The following PBRM1 variants were observed in gnomAD, a reference collection of about 807,000 sequenced individuals.
PBRM1 encodes the protein protein polybromo-1.
PBRM1 carries 27 observed loss-of-function variants against 194.5 expected under a neutral mutation model. The ratio of observed to expected loss-of-function variants is 0.14; its 90% CI spans 0.10 to 0.19. The LOEUF is 0.19. Among genes scored for constraint, PBRM1 ranks in the 10% least tolerant of loss-of-function variants. PBRM1 has a pLI of 1.00. For missense variants in PBRM1, 1,466 were observed against 2,077.2 expected (o/e 0.71, Z 5.72); for synonymous variants, 655 against 693.2 (o/e 0.94, Z 0.87).
chr3:52,604,155 A>G (rs1409836376), intron 16 of PBRM1, among the ~76,000 whole-genome samples: 2 of 152,234 alleles, frequency 1.3e-5, no homozygotes, highest in Non-Finnish European at 2.9e-5. Context: ...GTGTTACATA[A>G]TAGGCTCTAT....
At chr3:52,641,833 C>A (rs1402635013) in intron 10 of PBRM1, 121 bp downstream of exon 11, 9 of 756,962 alleles carry the variant, frequency 1.2e-5, no homozygotes, top group Non-Finnish European at 1.9e-5. Flanking sequence ...CAATCAAATG[C>A]AATAAAATAG....
intron 13 of PBRM1, 110 bp downstream of exon 14, chr3:52,627,163 T>C (rs2095473820): frequency 3.4e-6 from 2 of 590,222 alleles, no homozygotes; most frequent in Admixed American, 3.2e-5. Context: ...CACATTACCA[T>C]TTATTTAAAG....
chr3:52,593,402 A>G (rs1161757023), intron 17 of PBRM1, among the ~76,000 whole-genome samples: 1 of 152,166 alleles, frequency 6.6e-6, no homozygotes, highest in Non-Finnish European at 1.5e-5. Context: ...ATACCCAGCT[A>G]AATTTTGCAT....
At chr3:52,627,315 A>T (rs2153579199) in exon 13 of PBRM1, 2 of 1,613,598 alleles carry the variant, frequency 1.2e-6, no homozygotes, top group Non-Finnish European at 8.5e-7. Context: ...GGCTGAAGAG[A>T]TCATGCTGTC....
At chr3:52,555,657 C>T (rs2082073627) in intron 26 of PBRM1, among the ~76,000 whole-genome samples, 1 of 152,134 alleles carries the variant, frequency 6.6e-6, no homozygotes, top group Non-Finnish European at 1.5e-5. Context: ...ATGCCAAATG[C>T]CATCAGTCTC....
intron 6 of PBRM1, among the ~76,000 whole-genome samples, chr3:52,650,558 T>C (rs2096462865): frequency 1.3e-5 from 2 of 152,184 alleles, no homozygotes; most frequent in Admixed American, 6.5e-5. Context: ...CATTTCTCAA[T>C]GAAACTATGT....
chr3:52,649,039 A>T (rs2096410714), intron 6 of PBRM1, among the ~76,000 whole-genome samples: 1 of 152,326 alleles, frequency 6.6e-6, no homozygotes, highest in South Asian at 2.1e-4. Context: ...TGGTAAGTAC[A>T]TGGAAATGAA....
chr3:52,565,914 G>A (rs2085044341), intron 22 of PBRM1, among the ~76,000 whole-genome samples: 1 of 152,052 alleles, frequency 6.6e-6, no homozygotes, highest in Non-Finnish European at 1.5e-5. Context: ...GCGGGGTGTG[G>A]TTGCAGGCGC....
At chr3:52,662,484 T>C (rs1463905048) in intron 3 of PBRM1, among the ~76,000 whole-genome samples, 1 of 152,158 alleles carries the variant, frequency 6.6e-6, no homozygotes, top group Non-Finnish European at 1.5e-5. Flanking sequence ...ATTTAGGTCT[T>C]ATCTCATTAA....
intron 26 of PBRM1, 99 bp downstream of exon 28, chr3:52,558,150 G>A (rs1320857129): frequency 6.1e-6 from 5 of 824,642 alleles, no homozygotes; most frequent in Non-Finnish European, 7.4e-6. Flanking sequence ...AATCTGTCAT[G>A]AGAAAAGGCA....
At chr3:52,562,087 C>T (rs577124782) in intron 24 of PBRM1, 119 bp from the exon 27 acceptor site, 11 of 721,296 alleles carry the variant, frequency 1.5e-5, no homozygotes, top group Admixed American at 1.0e-4. Flanking sequence ...TTTGGGGGGC[C>T]GAGACAGGTG....
At chr3:52,562,245 TGAAC>T (rs2083759618) in intron 24 of PBRM1, among the ~76,000 whole-genome samples, 3 of 150,730 alleles carry the variant, frequency 2.0e-5, no homozygotes, top group Non-Finnish European at 2.9e-5. Context: ...GAGAATGGCG[TGAAC>T]CCGGGAGACG....
chr3:52,626,207 C>T (rs2095442111), intron 13 of PBRM1, among the ~76,000 whole-genome samples: 1 of 152,098 alleles, frequency 6.6e-6, no homozygotes, highest in African/African-American at 2.4e-5. Context: ...CCTCCATTGT[C>T]CCTGGTATAA....
intron 13 of PBRM1, among the ~76,000 whole-genome samples, chr3:52,619,617 A>AT (rs1248834407): frequency 6.6e-6 from 1 of 152,200 alleles, no homozygotes; most frequent in African/African-American, 2.4e-5. Context: ...TTTAGGTGGA[A>AT]GAAAGTTCAT....
At chr3:52,674,627 CAAAAAA>C (rs869059650) in intron 2 of PBRM1, among the ~76,000 whole-genome samples, 353 of 109,074 alleles carry the variant, frequency 3.2e-3, no homozygotes, top group South Asian at 4.8e-3. Flanking sequence ...CTGTCTCTAC[CAAAAAA>C]AAAAAAAAAA....
intron 26 of PBRM1, 110 bp downstream of exon 28, chr3:52,558,139 G>A (rs2082613067): frequency 1.3e-6 from 1 of 749,544 alleles, no homozygotes; most frequent in Non-Finnish European, 2.1e-6. Context: ...TTCAAACTTT[G>A]AATCTGTCAT....
At chr3:52,666,536 A>C (rs553856159) in intron 3 of PBRM1, among the ~76,000 whole-genome samples, 1 of 144,774 alleles carries the variant, frequency 6.9e-6, no homozygotes, top group Admixed American at 7.0e-5. Flanking sequence ...ACTCCATCTC[A>C]AAAAAAAAAA....
At chr3:52,595,974 T>C (rs1489946347) in intron 17 of PBRM1, among the ~76,000 whole-genome samples, 1 of 152,178 alleles carries the variant, frequency 6.6e-6, no homozygotes, top group Non-Finnish European at 1.5e-5. Flanking sequence ...TGTTTCTGGG[T>C]TCTCTACTCT....
intron 22 of PBRM1, among the ~76,000 whole-genome samples, chr3:52,568,720 C>T (rs1381457555): frequency 6.6e-6 from 1 of 152,200 alleles, no homozygotes; most frequent in African/African-American, 2.4e-5. Flanking sequence ...TCTTTCCCCA[C>T]TTACCTGATA....
Sources: gnomAD v4.1 joint callset for allele counts (sites outside exome capture counted in the v4.1 genomes callset) on GRCh38, gnomAD v4.1.1 for gene constraint, MANE v1.5 for transcripts, NCBI Gene and HGNC (gene_info 2026-07-23, HGNC 2026-07-21) for gene names.